Variants in GUCY2F observed in about 807,000 individuals in gnomAD.
GUCY2F encodes the protein guanylate cyclase 2F, retinal.
Under a neutral mutation model 73.1 loss-of-function variants are expected in GUCY2F, and 61 were observed. The observed-to-expected ratio is 0.83, with a 90% CI of 0.68 to 1.03. The LOEUF (loss-of-function observed/expected upper bound fraction) is 1.03. Ranked by LOEUF, GUCY2F falls within the 50% of genes least tolerant of loss-of-function variation. GUCY2F has a pLI of 0.00. For synonymous variants in GUCY2F, 331 were observed against 307.8 expected, an observed-to-expected ratio of 1.08 and a Z score of -0.79; for missense variants, 912 against 854.3, an observed-to-expected ratio of 1.07 and a Z score of -0.84.
At chrX:109,455,570 C>T (rs1932241097) in intron 3 of GUCY2F, among the ~76,000 whole-genome samples, 1 of 111,394 alleles carries the variant, frequency 9.0e-6, no homozygotes, top group Non-Finnish European at 1.9e-5. Flanking sequence ...GTGAAAATTC[C>T]TAATACTTGG....
At chrX:109,433,568 A>T (rs529212) in intron 7 of GUCY2F, among the ~76,000 whole-genome samples, 4 of 110,481 alleles carry the variant, frequency 3.6e-5, no homozygotes, top group East Asian at 5.7e-4. Context: ...AGTCTGTGTG[A>T]GTTCTACTTC....
rs971248006 is a variant in GUCY2F, at chrX:109,458,606, T to G, written c.1033-4747A>C. The stretch of plus-strand genomic sequence containing the variant: ...GAAGTACTAGAGTCCCAATTTTAGA[T>G]CCAATTTCCTTAGCACCTGAAATGG... On this transcript the variant is annotated intron_variant, in intron 3 of 19. Transcript: ENST00000218006. Among the ~76,000 whole-genome samples the G allele has an allele frequency of 6.3e-5, 7 of 110,960 alleles. No individual in the cohort carries two copies. In the Admixed American group the frequency reaches 6.7e-4, roughly 11 times the overall value.
chrX:109,376,184 T>C lies in GUCY2F; in HGVS notation c.3151-17A>G, dbSNP rs151013010. The C allele has an allele frequency of 8.4e-6, 9 of 1,071,011 alleles. No individual in the cohort carries two copies. The East Asian group carries it at 2.7e-4, about 32-fold the overall frequency. The allele number at this position is 1,071,011 out of a possible 1,213,427, so 88.3% of individuals were successfully genotyped here. A position where few individuals can be genotyped will look rare whatever the true frequency, so the allele number is the denominator to read the frequency against. On this transcript the variant is annotated splice_polypyrimidine_tract_variant and intron_variant, in intron 17 of 19. Coordinates refer to ENST00000218006, the MANE Select transcript of GUCY2F (RefSeq NM_001522.3). ...GCCTTTGCCCTTATTATAGAAAACA[T>C]AAAAAATCTTAAGCCTGCTATAATC...
intron 19 of GUCY2F, 104 bp downstream of exon 19, chrX:109,375,794 C>T (rs777035362): frequency 1.3e-4 from 78 of 596,382 alleles, no homozygotes; most frequent in Non-Finnish European, 1.9e-4. Flanking sequence ...CTCCATCACA[C>T]TATGCCAACA....
intron 6 of GUCY2F, 94 bp downstream of exon 6, chrX:109,447,975 A>G: frequency 2.1e-6 from 1 of 477,400 alleles, no homozygotes. Context: ...GCACATCACA[A>G]TTCAGACTAG....
chrX:109,409,092 G>A lies in GUCY2F; in HGVS notation c.1868C>T (p.Thr623Ile), dbSNP rs200850550. The A allele has an allele frequency of 1.2e-5, 13 of 1,095,247 alleles. No homozygotes were observed. In the African/African-American group the frequency reaches 2.2e-4, roughly 18 times the overall value. The allele number at this position is 1,095,247 out of a possible 1,213,427, so 90.3% of individuals were successfully genotyped here. ...TAGGCTCCCTCGGGAACAGAATTCT[G>A]TCACAATGGCAAACATCCCCGAATC... ...FYDSGMFAIVTEFCSRGSLED... is the reference protein window; with the variant it reads ...FYDSGMFAIVIEFCSRGSLED... Residue 623 changes from threonine to isoleucine, a missense_variant, in exon 9 of 20, where the codon ACA becomes ATA. Coordinates refer to ENST00000218006, the MANE Select transcript of GUCY2F (RefSeq NM_001522.3).
chrX:109,401,234 C>T (rs1930832583), intron 10 of GUCY2F, among the ~76,000 whole-genome samples: 1 of 111,986 alleles, frequency 8.9e-6, no homozygotes, highest in African/African-American at 3.3e-5. Context: ...CTCGGGAAAA[C>T]TAGAGAAATT....
rs143250978 is a variant in GUCY2F, at chrX:109,455,121, T to G, written c.1033-1262A>C. Among the ~76,000 whole-genome samples the G allele has an allele frequency of 6.0e-3, 667 of 111,314 alleles. 2 individuals are homozygous for G. Among genetic ancestry groups the G allele is most frequent in the African/African-American group, 0.021 (634 of 30,617 alleles). ...ACCTGAAGAGTGTCAAAAATAGCAATGCCAAACCGAACCCAGACCAACAAA... is the reference window on the plus strand; with the variant it reads ...ACCTGAAGAGTGTCAAAAATAGCAAGGCCAAACCGAACCCAGACCAACAAA... On this transcript the variant is annotated intron_variant, in intron 3 of 19. Transcript: ENST00000218006.
chrX:109,387,185 T>A (rs144379315), intron 15 of GUCY2F, among the ~76,000 whole-genome samples: 1,981 of 110,814 alleles, frequency 0.018, 20 homozygotes, highest in Middle Eastern at 0.042. Context: ...GTTGTGAGAG[T>A]GAATAAGAGA....
At chrX:109,416,419 A>T (rs1239469668) in intron 8 of GUCY2F, among the ~76,000 whole-genome samples, 3 of 110,857 alleles carry the variant, frequency 2.7e-5, no homozygotes, top group South Asian at 3.8e-4. Context: ...GAAGTAAAAA[A>T]ATTTGCTAGG....
chrX:109,435,442 G>A (rs1386752610), intron 7 of GUCY2F, among the ~76,000 whole-genome samples: 1 of 108,071 alleles, frequency 9.3e-6, no homozygotes, highest in African/African-American at 3.4e-5. Context: ...TGTTATTGGT[G>A]TATAAGAATG....
At chrX:109,438,895 C>T (rs1189308036) in intron 7 of GUCY2F, among the ~76,000 whole-genome samples, 1 of 112,613 alleles carries the variant, frequency 8.9e-6, no homozygotes, top group Non-Finnish European at 1.9e-5. Flanking sequence ...TTTGCGGTGG[C>T]GCAGACCCCA....
At chrX:109,461,606 T>C (rs1361478257) in intron 3 of GUCY2F, among the ~76,000 whole-genome samples, 1 of 111,686 alleles carries the variant, frequency 9.0e-6, no homozygotes, top group African/African-American at 3.3e-5. Flanking sequence ...TGGCAATGAG[T>C]GATGTGCTAG....
intron 10 of GUCY2F, among the ~76,000 whole-genome samples, chrX:109,400,834 A>T (rs7877466): frequency 0.083 from 9,305 of 112,058 alleles, 956 homozygotes; most frequent in African/African-American, 0.29. Flanking sequence ...TACTTGAATG[A>T]TTGAATGTCA....
At chrX:109,376,666 A>G (rs1203983829) in intron 17 of GUCY2F, among the ~76,000 whole-genome samples, 6 of 111,967 alleles carry the variant, frequency 5.4e-5, no homozygotes, top group Non-Finnish European at 1.1e-4. Context: ...CTTCCAGCCA[A>G]GGGACTCTTA....
intron 7 of GUCY2F, among the ~76,000 whole-genome samples, chrX:109,431,523 C>T (rs756637561): frequency 9.3e-6 from 1 of 107,925 alleles, no homozygotes; most frequent in African/African-American, 3.5e-5. Context: ...ATGGTGAAAC[C>T]TCGTCTCTAC....
chrX:109,478,893 T>A (rs192414022), intron 1 of GUCY2F, among the ~76,000 whole-genome samples: 1 of 112,396 alleles, frequency 8.9e-6, no homozygotes, highest in East Asian at 2.8e-4. Context: ...ATCTATGAAG[T>A]CAATGAGACT....
At chrX:109,404,722 T>A (rs1372623428) in intron 9 of GUCY2F, among the ~76,000 whole-genome samples, 1 of 112,043 alleles carries the variant, frequency 8.9e-6, no homozygotes, top group Admixed American at 9.5e-5. Flanking sequence ...AATTATGTGT[T>A]ACTAGATTTA....
At chrX:109,410,544 A>G in intron 8 of GUCY2F, among the ~76,000 whole-genome samples, 1 of 112,686 alleles carries the variant, frequency 8.9e-6, no homozygotes, top group Admixed American at 9.4e-5. Flanking sequence ...CATTTAGTGC[A>G]TGTTCACAAC....
Sources: gnomAD v4.1 joint callset for allele counts (sites outside exome capture counted in the v4.1 genomes callset) on GRCh38, gnomAD v4.1.1 for gene constraint, MANE v1.5 for transcripts, NCBI Gene and HGNC (gene_info 2026-07-23, HGNC 2026-07-21) for gene names.